The following NDRG1 variants were observed in gnomAD, a reference collection of about 807,000 sequenced individuals.
NDRG1 encodes the protein protein NDRG1.
Under a neutral mutation model 56.9 loss-of-function variants are expected in NDRG1, and 32 were observed. The ratio of observed to expected loss-of-function variants is 0.56; its 90% confidence interval spans 0.42 to 0.76. The LOEUF (loss-of-function observed/expected upper bound fraction) is 0.76, where lower values mean the gene tolerates loss of function less well. Among genes scored for constraint, NDRG1 ranks in the 30% least tolerant of loss-of-function variants. NDRG1 has a pLI of 0.00. For synonymous variants in NDRG1, 211 were observed against 204.1 expected, an observed-to-expected ratio of 1.03 and a Z score of -0.29; for missense variants, 507 against 545.7, an observed-to-expected ratio of 0.93 and a Z score of 0.71.
At chr8:133,241,300 G>C (rs77785144) in intron 15 of NDRG1, 1 of 155,556 alleles carries the variant, frequency 6.4e-6, no homozygotes, top group African/African-American at 2.4e-5. Flanking sequence ...GCCAGGGTCT[G>C]TCCTAGTCCT....
intron 1 of NDRG1, chr8:133,296,489 C>T: frequency 2.2e-6 from 1 of 456,232 alleles, no homozygotes; most frequent in Non-Finnish European, 4.4e-6. Flanking sequence ...CCCCCACACA[C>T]ACGCTTACAC....
chr8:133,282,111 G>T (rs1442180574), intron 2 of NDRG1, among the ~76,000 whole-genome samples: 1 of 152,248 alleles, frequency 6.6e-6, no homozygotes, highest in Non-Finnish European at 1.5e-5. Flanking sequence ...ATGTAACCCT[G>T]AATGGGCAAG....
At chr8:133,268,284 T>C (rs1350724002) in intron 3 of NDRG1, among the ~76,000 whole-genome samples, 1 of 152,082 alleles carries the variant, frequency 6.6e-6, no homozygotes, top group African/African-American at 2.4e-5. Flanking sequence ...TGCTCTTGGA[T>C]TGGCCATGAG....
rs567304059 is a variant in NDRG1, at chr8:133,284,851, G to A, written c.-18-522C>T. The A allele has an allele frequency of 8.0e-4, 364 of 456,666 alleles. 2 individuals carry two copies. The highest frequency in any genetic ancestry group is 5.5e-3 in the South Asian group (352 of 64,570). The allele number at this position is 456,666 out of a possible 1,614,324, so 28.3% of individuals were successfully genotyped here. The stretch of plus-strand genomic sequence containing the variant: ...CAGACACACAGGCACACGCATGCGC[G>A]TGAACACACATACACACCCCACGGT... On this transcript the variant is annotated intron_variant, in intron 1 of 15. Coordinates refer to ENST00000323851, the MANE Select transcript of NDRG1 (RefSeq NM_006096.4).
At chr8:133,278,247 A>G (rs1246132136) in intron 3 of NDRG1, among the ~76,000 whole-genome samples, 1 of 152,020 alleles carries the variant, frequency 6.6e-6, no homozygotes, top group African/African-American at 2.4e-5. Context: ...CACTGCATCT[A>G]TTGCAGCTCT....
chr8:133,249,524 G>A (rs1265535062), intron 10 of NDRG1: 1 of 153,548 alleles, frequency 6.5e-6, no homozygotes, highest in Non-Finnish European at 1.4e-5. Context: ...GTGGGATTTG[G>A]AGAGGGGTCA....
At position 133,256,770 on chromosome 8, in the gene NDRG1, A is replaced by C; in HGVS notation, c.537+7T>G. On this transcript the variant is annotated splice_region_variant and intron_variant, in intron 8 of 15. Transcript: ENST00000323851. ...GATCCCGCCGGCCTGACAGGCCCCC[A>C]CCTCACCTTGGAGGCGGCCCAGTCC... The C allele has an allele frequency of 6.2e-7, 1 of 1,613,906 alleles. No individual in the cohort carries two copies. Among genetic ancestry groups the C allele is most frequent in the South Asian group, 1.1e-5 (1 of 91,046 alleles).
chr8:133,279,661 C>G (rs28481600), intron 3 of NDRG1, among the ~76,000 whole-genome samples: 47,715 of 152,104 alleles, frequency 0.31, 9,186 homozygotes, highest in African/African-American at 0.52. Context: ...GGACCCACCC[C>G]AGCTTGGGGC....
intron 1 of NDRG1, among the ~76,000 whole-genome samples, chr8:133,296,149 G>A (rs569567632): frequency 1.3e-5 from 2 of 152,120 alleles, no homozygotes; most frequent in Non-Finnish European, 2.9e-5. Context: ...ATCTCCTCCC[G>A]AGGCTGAATC....
intron 1 of NDRG1, among the ~76,000 whole-genome samples, chr8:133,290,041 G>C (rs995855657): frequency 1.3e-5 from 2 of 152,184 alleles, no homozygotes; most frequent in African/African-American, 4.8e-5. Context: ...CCAAGGCCCT[G>C]CCAGGCTCAG....
At chr8:133,253,634 G>A (rs1251071936) in intron 9 of NDRG1, among the ~76,000 whole-genome samples, 2 of 152,174 alleles carry the variant, frequency 1.3e-5, no homozygotes, top group Admixed American at 6.5e-5. Flanking sequence ...CTTATCAACA[G>A]GTGAATGGAA....
intron 3 of NDRG1, among the ~76,000 whole-genome samples, chr8:133,277,760 G>T (rs926207029): frequency 6.6e-6 from 1 of 152,164 alleles, no homozygotes; most frequent in Admixed American, 6.5e-5. Context: ...AGTGGATAGG[G>T]TGTGTGATGT....
intron 6 of NDRG1, 103 bp from the exon 7 acceptor site, chr8:133,258,529 G>C: frequency 9.1e-7 from 1 of 1,095,348 alleles, no homozygotes; most frequent in Non-Finnish European, 1.4e-6. Flanking sequence ...GCTAGGCAAT[G>C]CGGGAGCATG....
At chr8:133,243,365 G>A (rs966008206) in intron 14 of NDRG1, among the ~76,000 whole-genome samples, 1 of 152,208 alleles carries the variant, frequency 6.6e-6, no homozygotes, top group African/African-American at 2.4e-5. Context: ...CCCAATTTTA[G>A]CTCCAGTAAT....
chr8:133,242,028 C>A lies in NDRG1; in HGVS notation c.938G>T (p.Gly313Val). 1 of 1,614,200 alleles carries A rather than the reference C, an allele frequency of 6.2e-7. No individual in the cohort carries two copies. Among genetic ancestry groups the A allele is most frequent in the Non-Finnish European group, 8.5e-7 (1 of 1,180,024 alleles). ...ACGGGGAATGCCATACTCACTGTAT[C>A]CCATGCCCTGCACGAAGTACTTGAA... ...EAFKYFVQGM[G>V]YMPSASMTRL... is the part of the protein sequence containing the mutation. Residue 313 changes from glycine (G) to valine (V), a missense_variant, in exon 15 of 16, where the codon GGA becomes GTA. Gly to Val is a moderately radical substitution (Grantham distance 109, BLOSUM62 -3). Transcript: ENST00000323851.
Position 133,280,231 on chromosome 8 carries a change from C to T in NDRG1, c.99+1G>A, listed in dbSNP as rs2130785568. 1 of 1,614,086 alleles carries T rather than the reference C, an allele frequency of 6.2e-7. No homozygotes were observed. Among genetic ancestry groups the T allele is most frequent in the Non-Finnish European group, 8.5e-7 (1 of 1,180,000 alleles). On this transcript the variant is annotated splice_donor_variant, in intron 3 of 15. Transcript: ENST00000323851. LOFTEE classifies it high-confidence loss of function. The stretch of plus-strand genomic sequence containing the variant: ...GAAGGAAAGCCACATCCTCTACTTG[C>T]CTGGACATCAAACTCTTGCAGGAGG...
chr8:133,273,035 G>C lies in NDRG1; in HGVS notation c.99+7197C>G, dbSNP rs1337281035. Among the ~76,000 whole-genome samples the C allele has an allele frequency of 3.3e-5, 5 of 152,216 alleles. 1 individual carries two copies. Among genetic ancestry groups the C allele is most frequent in the Non-Finnish European group, 7.3e-5 (5 of 68,044 alleles). The stretch of plus-strand genomic sequence containing the variant: ...ACCAGCTCAGCTCTGCTGAACAAGA[G>C]GCCTTGCAGCAGAACGGGAGCCAGA... On this transcript the variant is annotated intron_variant, in intron 3 of 15. Coordinates refer to ENST00000323851, the MANE Select transcript of NDRG1 (RefSeq NM_006096.4).
intron 2 of NDRG1, among the ~76,000 whole-genome samples, chr8:133,283,373 G>T (rs1025405180): frequency 2.0e-5 from 3 of 152,214 alleles, no homozygotes; most frequent in African/African-American, 7.2e-5. Context: ...AGACATATCA[G>T]AGGCAGTTAT....
chr8:133,294,043 T>TAC (rs1168127671), intron 1 of NDRG1, among the ~76,000 whole-genome samples: 1 of 152,180 alleles, frequency 6.6e-6, no homozygotes, highest in African/African-American at 2.4e-5. Context: ...GTTCTCAGGT[T>TAC]ACACAGATTA....
Sources: allele counts gnomAD v4.1 joint callset (sites outside exome capture counted in the v4.1 genomes callset), GRCh38; gene constraint gnomAD v4.1.1; transcripts MANE v1.5; gene names NCBI Gene and HGNC (gene_info 2026-07-23, HGNC 2026-07-21).